The following NOL4 variants were observed in gnomAD, a reference collection of about 807,000 sequenced individuals.
The protein encoded by NOL4 is cancer/testis antigen 125.
Under a neutral mutation model 75.9 loss-of-function variants are expected in NOL4, and 17 were observed. The ratio of observed to expected loss-of-function variants is 0.22; its 90% CI spans 0.15 to 0.34. The LOEUF is 0.34. Among genes scored for constraint, NOL4 ranks in the 10% least tolerant of loss-of-function variants. NOL4 has a pLI of 1.00. For synonymous variants in NOL4, 292 were observed against 289.9 expected (o/e 1.01, Z -0.07); for missense variants, 614 against 793.5 (o/e 0.77, Z 2.72).
At chr18:34,015,970 G>A (rs1374977647) in intron 6 of NOL4, among the ~76,000 whole-genome samples, 1 of 152,030 alleles carries the variant, frequency 6.6e-6, no homozygotes, top group Non-Finnish European at 1.5e-5. Flanking sequence ...GGACGAGATA[G>A]TAAGCCAGGT....
Position 34,064,326 on chromosome 18 carries a change from C to G in NOL4, c.772+29139G>C, listed in dbSNP as rs184761896. 2.1e-3 allele frequency among the ~76,000 whole-genome samples: 322 copies of G among 151,924 alleles called. 5 individuals are homozygous for G. The highest frequency in any genetic ancestry group is 7.2e-3 in the African/African-American group (300 of 41,468). On this transcript the variant is annotated intron_variant, in intron 5 of 10. Coordinates refer to ENST00000261592, the MANE Select transcript of NOL4 (RefSeq NM_003787.5). ...TACAACAAAGGATTGCCATCAATAC[C>G]CTATGCAAATAATACTGCAGTTGTA...
intron 6 of NOL4, among the ~76,000 whole-genome samples, chr18:34,010,063 C>T (rs2074281448): frequency 6.6e-6 from 1 of 151,644 alleles, no homozygotes; most frequent in East Asian, 2.0e-4. Flanking sequence ...ATCCTCTTGA[C>T]CCCAGCTAAC....
At chr18:33,987,433 T>A (rs2072548549) in intron 6 of NOL4, among the ~76,000 whole-genome samples, 1 of 152,004 alleles carries the variant, frequency 6.6e-6, no homozygotes, top group Admixed American at 6.6e-5. Context: ...GGAAAACAAT[T>A]CACTCCCTGA....
At chr18:33,857,911 GT>G (rs1456726737) in intron 10 of NOL4, among the ~76,000 whole-genome samples, 1 of 151,980 alleles carries the variant, frequency 6.6e-6, no homozygotes, top group Non-Finnish European at 1.5e-5. Context: ...TATTGAATTA[GT>G]TTTTTTGCAA....
chr18:34,217,409 C>T (rs971732672), intron 1 of NOL4, among the ~76,000 whole-genome samples: 5 of 151,898 alleles, frequency 3.3e-5, no homozygotes, highest in East Asian at 3.9e-4. Context: ...CTCAGCCTCC[C>T]GAGTAGCTGG....
At chr18:34,217,429 G>C (rs2036976752) in intron 1 of NOL4, among the ~76,000 whole-genome samples, 1 of 151,616 alleles carries the variant, frequency 6.6e-6, no homozygotes, top group African/African-American at 2.4e-5. Context: ...GGACTACAAG[G>C]GCACATGGCC....
rs140081586 is a variant in NOL4, at chr18:34,082,604, A to G, written c.772+10861T>C. Among the ~76,000 whole-genome samples the G allele has an allele frequency of 3.5e-3, 534 of 152,278 alleles. 5 individuals carry two copies. Among genetic ancestry groups the G allele is most frequent in the Non-Finnish European group, 5.9e-3 (398 of 68,020 alleles). ...GAATCATGCACACAATATTTTAGAT[A>G]AACAAACTACTGGTTCTGCTGGCAT... On this transcript the variant is annotated intron_variant, in intron 5 of 10. Transcript: ENST00000261592.
intron 2 of NOL4, among the ~76,000 whole-genome samples, chr18:34,116,029 C>A (rs1248050199): frequency 6.6e-6 from 1 of 152,086 alleles, no homozygotes; most frequent in Admixed American, 6.5e-5. Flanking sequence ...GACTGGAATT[C>A]ATCAGTAAAA....
chr18:34,021,538 A>G lies in NOL4; in HGVS notation c.773-1937T>C, dbSNP rs147424144. The stretch of plus-strand genomic sequence containing the variant: ...GGATTTTATTCTGGGAGCAAATAAC[A>G]GTTTTAATTTATTGTGGGAAGTGAC... On this transcript the variant is annotated intron_variant, in intron 5 of 10. Coordinates refer to ENST00000261592, the MANE Select transcript of NOL4 (RefSeq NM_003787.5). Among the ~76,000 whole-genome samples the G allele has an allele frequency of 2.7e-4, 41 of 152,320 alleles. No individual in the cohort carries two copies. In the East Asian group the frequency reaches 7.7e-3, roughly 29 times the overall value.
intron 9 of NOL4, among the ~76,000 whole-genome samples, chr18:33,939,095 G>A (rs138453441): frequency 0.039 from 5,970 of 152,152 alleles, 137 homozygotes; most frequent in East Asian, 0.12. Flanking sequence ...GTAGATGTGT[G>A]GTGTTATTTC....
chr18:34,023,221 T>C (rs535208502), intron 5 of NOL4, among the ~76,000 whole-genome samples: 6 of 152,330 alleles, frequency 3.9e-5, no homozygotes, highest in Non-Finnish European at 5.9e-5. Context: ...TTGATGTCTT[T>C]ATTTTAAAAA....
At chr18:34,202,963 G>T (rs2035840578) in intron 1 of NOL4, among the ~76,000 whole-genome samples, 1 of 151,976 alleles carries the variant, frequency 6.6e-6, no homozygotes, top group African/African-American at 2.4e-5. Context: ...GAAAAGGTGT[G>T]CTCACACAAA....
chr18:34,057,132 C>T (rs62097853), intron 5 of NOL4, among the ~76,000 whole-genome samples: 153 of 152,256 alleles, frequency 1.0e-3, no homozygotes, highest in Non-Finnish European at 1.5e-3. Flanking sequence ...TATTAATCAT[C>T]ACCTTAAAGC....
chr18:34,067,008 T>C (rs988969423), intron 5 of NOL4, among the ~76,000 whole-genome samples: 1 of 151,906 alleles, frequency 6.6e-6, no homozygotes, highest in African/African-American at 2.4e-5. Flanking sequence ...ATACAGAAAA[T>C]AGAAAATATA....
chr18:33,998,276 G>C (rs1282727521), intron 6 of NOL4, among the ~76,000 whole-genome samples: 1 of 152,088 alleles, frequency 6.6e-6, no homozygotes, highest in Non-Finnish European at 1.5e-5. Flanking sequence ...CATGGTATAT[G>C]AATCTTTACA....
chr18:34,160,594 TA>T (rs1305415030), intron 1 of NOL4, among the ~76,000 whole-genome samples: 3 of 152,204 alleles, frequency 2.0e-5, no homozygotes. Context: ...ATTAGTGTAA[TA>T]TTTTGTTGAA....
In NOL4 at chr18:33,975,544, C is replaced by T. The variant is rs370877433; in HGVS notation, c.1057-17126G>A. Among the ~76,000 whole-genome samples the T allele has an allele frequency of 6.6e-5, 10 of 152,188 alleles. No homozygotes were observed. In the East Asian group the frequency reaches 9.7e-4, roughly 15 times the overall value. The stretch of plus-strand genomic sequence containing the variant: ...ATCCCAGCACTTTGGGAGGCCAAGG[C>T]GGGCAGATCACGAGGTCAGGAGTTT... On this transcript the variant is annotated intron_variant, in intron 6 of 10. Coordinates refer to ENST00000261592, the MANE Select transcript of NOL4 (RefSeq NM_003787.5).
rs554538611 is a variant in NOL4, at chr18:34,070,874, TTATAA to T, written c.772+22586_772+22590del. ...AAAAATAACAATATAAACATGAATC[TTATAA>T]TTTATGAACAAGTGTAATATATAAA... On this transcript the variant is annotated intron_variant, in intron 5 of 10. Coordinates refer to ENST00000261592, the MANE Select transcript of NOL4 (RefSeq NM_003787.5). 2.2e-3 allele frequency among the ~76,000 whole-genome samples: 341 copies of T among 152,182 alleles called. 2 individuals are homozygous for T. Among genetic ancestry groups the T allele is most frequent in the African/African-American group, 7.8e-3 (324 of 41,524 alleles).
In NOL4 at chr18:34,060,144, G is replaced by A. The variant is rs11874389; in HGVS notation, c.772+33321C>T. Reference sequence around the variant, plus strand: ...GATGGTTATTTTTAATTAGCAATAAGTAATTATAATATCCTGTCCCCCAGT... The same window carrying A: ...GATGGTTATTTTTAATTAGCAATAAATAATTATAATATCCTGTCCCCCAGT... On this transcript the variant is annotated intron_variant, in intron 5 of 10. Coordinates refer to ENST00000261592, the MANE Select transcript of NOL4 (RefSeq NM_003787.5). Among the ~76,000 whole-genome samples the A allele has an allele frequency of 2.1e-3, 322 of 152,272 alleles. 5 individuals carry two copies. Among genetic ancestry groups the A allele is most frequent in the African/African-American group, 7.2e-3 (300 of 41,570 alleles).
Sources: allele counts gnomAD v4.1 joint callset (sites outside exome capture counted in the v4.1 genomes callset), GRCh38; gene constraint gnomAD v4.1.1; transcripts MANE v1.5; gene names NCBI Gene and HGNC (gene_info 2026-07-23, HGNC 2026-07-21).